The following HRH1 variants were observed in gnomAD, a reference collection of about 807,000 sequenced individuals.
The protein encoded by HRH1 is histamine receptor H1.
Under a neutral mutation model 10.3 loss-of-function variants are expected in HRH1, and 6 were observed. That is an observed-to-expected ratio of 0.58 (90% CI 0.32 to 1.15). The LOEUF (loss-of-function observed/expected upper bound fraction) is 1.15. HRH1 is among the 50% of genes most tolerant of loss of function. The pLI, the probability that HRH1 is intolerant of heterozygous loss-of-function variation, is 0.05. For synonymous variants in HRH1, 242 were observed against 236.7 expected, an observed-to-expected ratio of 1.02 and a Z score of -0.21; for missense variants, 514 against 615.3, an observed-to-expected ratio of 0.84 and a Z score of 1.74.
At chr3:11,237,018 T>C (rs1939198978) in intron 1 of HRH1, among the ~76,000 whole-genome samples, 1 of 152,208 alleles carries the variant, frequency 6.6e-6, no homozygotes, top group Admixed American at 6.5e-5. Context: ...CTGAATGACT[T>C]TGGTCTTTGA....
intron 1 of HRH1, among the ~76,000 whole-genome samples, chr3:11,138,582 T>C (rs1386463117): frequency 1.3e-5 from 2 of 152,158 alleles, no homozygotes; most frequent in African/African-American, 4.8e-5. Flanking sequence ...GTTTGGCAAG[T>C]TCCTCAAAAA....
intron 1 of HRH1, among the ~76,000 whole-genome samples, chr3:11,187,829 T>C (rs1289467371): frequency 3.3e-5 from 5 of 152,246 alleles, no homozygotes. Flanking sequence ...TAAGGTGTTT[T>C]TCCACGTTGC....
chr3:11,256,728 G>A (rs899625411), intron 1 of HRH1, among the ~76,000 whole-genome samples: 5 of 151,706 alleles, frequency 3.3e-5, no homozygotes, highest in African/African-American at 1.2e-4. Context: ...GAACCTGGGA[G>A]GCAGAGGTTG....
intron 1 of HRH1, among the ~76,000 whole-genome samples, chr3:11,218,620 G>A (rs1281126139): frequency 6.6e-6 from 1 of 152,170 alleles, no homozygotes; most frequent in African/African-American, 2.4e-5. Flanking sequence ...CTGTCGCCCA[G>A]ACTGGAGTGC....
intron 1 of HRH1, among the ~76,000 whole-genome samples, chr3:11,248,889 G>C (rs149517783): frequency 6.6e-6 from 1 of 152,342 alleles, no homozygotes; most frequent in African/African-American, 2.4e-5. Context: ...CCATCCAAGT[G>C]GGAAGGGGAC....
chr3:11,188,749 T>A (rs989709089), intron 1 of HRH1, among the ~76,000 whole-genome samples: 1 of 152,146 alleles, frequency 6.6e-6, no homozygotes, highest in African/African-American at 2.4e-5. Context: ...GAAAAATATA[T>A]GATGACACAG....
chr3:11,193,426 T>C (rs1937586656), intron 1 of HRH1, among the ~76,000 whole-genome samples: 1 of 152,234 alleles, frequency 6.6e-6, no homozygotes, highest in Non-Finnish European at 1.5e-5. Context: ...CAAAGTATCA[T>C]AAACTAGGTG....
chr3:11,203,459 G>A (rs990584811), intron 1 of HRH1, among the ~76,000 whole-genome samples: 2 of 152,168 alleles, frequency 1.3e-5, no homozygotes, highest in African/African-American at 4.8e-5. Flanking sequence ...GTTTTCTCCT[G>A]TGTTATCTTC....
intron 1 of HRH1, among the ~76,000 whole-genome samples, chr3:11,220,999 A>ATT (rs1185477296): frequency 6.6e-6 from 1 of 152,200 alleles, no homozygotes; most frequent in African/African-American, 2.4e-5. Context: ...AATGTTAAAT[A>ATT]GACTCTCTGG....
intron 1 of HRH1, among the ~76,000 whole-genome samples, chr3:11,202,911 C>T (rs768699901): frequency 6.6e-6 from 1 of 152,200 alleles, no homozygotes; most frequent in Non-Finnish European, 1.5e-5. Flanking sequence ...GCCTATTCAT[C>T]CCTTCCCCTG....
intron 1 of HRH1, among the ~76,000 whole-genome samples, chr3:11,176,670 G>A (rs879370757): frequency 6.6e-6 from 1 of 152,196 alleles, no homozygotes; most frequent in Non-Finnish European, 1.5e-5. Flanking sequence ...GGAAGGGAGA[G>A]GAAAACTTAA....
intron 1 of HRH1, among the ~76,000 whole-genome samples, chr3:11,139,601 A>C (rs1188239352): frequency 1.3e-5 from 2 of 152,186 alleles, no homozygotes; most frequent in African/African-American, 4.8e-5. Context: ...GCCAGTGGAT[A>C]TAACCCATAT....
chr3:11,191,879 C>A (rs1156260518), intron 1 of HRH1, among the ~76,000 whole-genome samples: 1 of 152,194 alleles, frequency 6.6e-6, no homozygotes, highest in African/African-American at 2.4e-5. Flanking sequence ...CAAAAATGAC[C>A]CCATGTATTT....
At chr3:11,179,244 C>T (rs950948678) in intron 1 of HRH1, among the ~76,000 whole-genome samples, 6 of 151,608 alleles carry the variant, frequency 4.0e-5, no homozygotes, top group East Asian at 1.9e-4. Context: ...GCCAAGATCG[C>T]GCCACTGCAC....
intron 1 of HRH1, chr3:11,234,496 GC>G (rs1348699685): frequency 6.7e-7 from 1 of 1,484,928 alleles, no homozygotes; most frequent in East Asian, 2.3e-5. Flanking sequence ...CCCCACAGGG[GC>G]CGCTGGCCAT....
chr3:11,244,298 C>T (rs1394999533), intron 1 of HRH1, among the ~76,000 whole-genome samples: 1 of 152,220 alleles, frequency 6.6e-6, no homozygotes, highest in Non-Finnish European at 1.5e-5. Flanking sequence ...CATTTACATT[C>T]CATTGGAATT....
At chr3:11,209,049 C>G (rs912229466) in intron 1 of HRH1, among the ~76,000 whole-genome samples, 1 of 152,088 alleles carries the variant, frequency 6.6e-6, no homozygotes, top group Non-Finnish European at 1.5e-5. Context: ...TCTAAACAGC[C>G]CAATCAAGAA....
intron 1 of HRH1, among the ~76,000 whole-genome samples, chr3:11,197,277 G>C (rs1299042905): frequency 6.6e-6 from 1 of 152,120 alleles, no homozygotes; most frequent in African/African-American, 2.4e-5. Context: ...AACTTCCCTT[G>C]ATTTCTTTCG....
intron 1 of HRH1, among the ~76,000 whole-genome samples, chr3:11,169,951 G>A (rs542816515): frequency 1.3e-5 from 2 of 152,190 alleles, no homozygotes; most frequent in African/African-American, 2.4e-5. Context: ...ACACTGTCCC[G>A]CAACTCTCAC....
Sources: gnomAD v4.1 joint callset for allele counts (sites outside exome capture counted in the v4.1 genomes callset) on GRCh38, gnomAD v4.1.1 for gene constraint, MANE v1.5 for transcripts, NCBI Gene and HGNC (gene_info 2026-07-23, HGNC 2026-07-21) for gene names.